Variants in NRG1 observed in about 807,000 individuals in gnomAD.
NRG1 encodes the protein pro-neuregulin-1, membrane-bound isoform.
In NRG1, 18 loss-of-function variants were observed where a neutral mutation model predicts 63.8. The observed-to-expected ratio is 0.28, with a 90% CI of 0.19 to 0.42. NRG1 has a LOEUF of 0.42. Among genes scored for constraint, NRG1 ranks in the 10% least tolerant of loss-of-function variants. The probability of loss-of-function intolerance (pLI) is 1.00; values close to 1 mark genes in which losing one functional copy is unlikely to be tolerated. For missense variants in NRG1, 762 were observed against 814.7 expected (o/e 0.94, Z 0.79); for synonymous variants, 302 against 301.3 (o/e 1.00, Z -0.02).
rs566998775 is a variant in NRG1 at position 32,395,120 on chromosome 8, G to A, written c.38-200708G>A. 2.9e-4 allele frequency among the ~76,000 whole-genome samples: 44 copies of A among 152,122 alleles called. 2 individuals are homozygous for A. Among genetic ancestry groups the A allele is most frequent in the African/African-American group, 1.0e-3 (42 of 41,512 alleles). ...TCTAAATAATGGTGACCTTTTTCAC[G>A]TCCCCTTCCTGTATATACAAAGTAC... On this transcript the variant is annotated intron_variant, in intron 1 of 10. Transcript: ENST00000519301.
intron 1 of NRG1, among the ~76,000 whole-genome samples, chr8:32,386,152 A>G (rs1810998706): frequency 6.6e-6 from 1 of 152,174 alleles, no homozygotes; most frequent in African/African-American, 2.4e-5. Context: ...CTCAGGCTGG[A>G]ATGCCGTGGT....
chr8:31,888,176 C>T (rs1830872078), intron 1 of NRG1, among the ~76,000 whole-genome samples: 2 of 151,566 alleles, frequency 1.3e-5, no homozygotes, highest in Non-Finnish European at 1.5e-5. Context: ...GCTTTTTGAC[C>T]TCAACAGCAT....
intron 1 of NRG1, among the ~76,000 whole-genome samples, chr8:32,416,510 T>C (rs999442714): frequency 7.2e-5 from 11 of 152,080 alleles, no homozygotes; most frequent in African/African-American, 2.7e-4. Flanking sequence ...TTCTCGAATA[T>C]AGGCTTTTAA....
intron 1 of NRG1, among the ~76,000 whole-genome samples, chr8:31,671,595 G>A (rs776891301): frequency 2.8e-4 from 42 of 152,132 alleles, no homozygotes; most frequent in Non-Finnish European, 5.4e-4. Context: ...ACAGAGGAGA[G>A]GCAAACACAA....
chr8:31,772,772 G>C (rs1563383814), intron 1 of NRG1, among the ~76,000 whole-genome samples: 1 of 152,192 alleles, frequency 6.6e-6, no homozygotes, highest in Non-Finnish European at 1.5e-5. Context: ...TAATGGCAAA[G>C]GGGGAACCTA....
intron 1 of NRG1, among the ~76,000 whole-genome samples, chr8:32,392,897 G>T (rs1417992396): frequency 2.5e-5 from 1 of 40,086 alleles, no homozygotes; most frequent in Non-Finnish European, 6.0e-5. Flanking sequence ...TGGAGGGGTA[G>T]AGAGAGAGAG....
chr8:32,557,094 C>T (rs544471343), intron 1 of NRG1, among the ~76,000 whole-genome samples: 2 of 152,134 alleles, frequency 1.3e-5, no homozygotes, highest in African/African-American at 2.4e-5. Flanking sequence ...CAAGCTCCCC[C>T]CACTGGGTTC....
chr8:32,380,274 T>A (rs1379612768), intron 1 of NRG1, among the ~76,000 whole-genome samples: 1 of 152,168 alleles, frequency 6.6e-6, no homozygotes, highest in Non-Finnish European at 1.5e-5. Flanking sequence ...CCTTTTCGGT[T>A]TTCCTCTTAC....
At chr8:32,448,721 G>A (rs1211892655) in intron 1 of NRG1, among the ~76,000 whole-genome samples, 1 of 152,102 alleles carries the variant, frequency 6.6e-6, no homozygotes, top group East Asian at 1.9e-4. Context: ...AGCTTTTATG[G>A]TAGAGGTTCC....
chr8:31,832,311 T>G (rs1476032678), intron 1 of NRG1, among the ~76,000 whole-genome samples: 1 of 148,578 alleles, frequency 6.7e-6, no homozygotes, highest in African/African-American at 2.5e-5. Flanking sequence ...CAGGCTGGAG[T>G]GCAGCAGCAT....
chr8:31,880,713 A>G (rs946871939), intron 1 of NRG1, among the ~76,000 whole-genome samples: 1 of 152,168 alleles, frequency 6.6e-6, no homozygotes, highest in African/African-American at 2.4e-5. Flanking sequence ...CTGGAACAAG[A>G]TCTCTTTAGT....
At chr8:32,607,459 CAT>C (rs1845463543) in intron 3 of NRG1, among the ~76,000 whole-genome samples, 1 of 152,012 alleles carries the variant, frequency 6.6e-6, no homozygotes, top group Non-Finnish European at 1.5e-5. Flanking sequence ...AAGCTAGTGT[CAT>C]AGTCTCACTG....
chr8:32,763,083 G>T, intron 11 of NRG1: 1 of 900,578 alleles, frequency 1.1e-6, no homozygotes. Flanking sequence ...GACTGTGTTT[G>T]TTGGACACTG....
intron 1 of NRG1, among the ~76,000 whole-genome samples, chr8:32,518,189 T>C (rs1421862600): frequency 1.3e-5 from 2 of 152,194 alleles, no homozygotes; most frequent in East Asian, 3.9e-4. Flanking sequence ...ATTTTGATCC[T>C]GAACATCCTT....
intron 1 of NRG1, among the ~76,000 whole-genome samples, chr8:32,267,841 C>T (rs1024417655): frequency 1.3e-5 from 2 of 152,148 alleles, no homozygotes; most frequent in African/African-American, 4.8e-5. Context: ...TGCATTTTCC[C>T]ATGGAATTTT....
At chr8:32,000,231 A>G (rs1812698087) in intron 1 of NRG1, among the ~76,000 whole-genome samples, 1 of 152,018 alleles carries the variant, frequency 6.6e-6, no homozygotes, top group Admixed American at 6.6e-5. Flanking sequence ...CAGAGCAAGC[A>G]TTTTAGGTTA....
At chr8:32,190,013 T>C (rs975319928) in intron 1 of NRG1, among the ~76,000 whole-genome samples, 4 of 152,174 alleles carry the variant, frequency 2.6e-5, no homozygotes, top group Admixed American at 6.6e-5. Flanking sequence ...TTCTTCTCTA[T>C]TCAAAACTGA....
At chr8:31,803,026 C>A (rs1821938090) in intron 1 of NRG1, among the ~76,000 whole-genome samples, 1 of 152,110 alleles carries the variant, frequency 6.6e-6, no homozygotes, top group Non-Finnish European at 1.5e-5. Context: ...TGGTATTGCT[C>A]ACATATCACC....
At position 32,742,154 on chromosome 8, in the gene NRG1, A is replaced by G; in HGVS notation, c.633-521A>G. On this transcript the variant is annotated intron_variant, in intron 6 of 11. Coordinates refer to ENST00000356819, the Ensembl canonical transcript of NRG1. This position sits in a 1 kb window ranked among gnomAD's most constrained non-coding sequence, Gnocchi z 4.2. ...CTACCACTTGGTGCTTTTACAGCTC[A>G]GTCGTAACTGATTCATTTTGTTCTA... 2 of 1,112,750 alleles carry G rather than the reference A, an allele frequency of 1.8e-6. No individual in the cohort carries two copies. The highest frequency in any genetic ancestry group is 2.7e-6 in the Non-Finnish European group (2 of 729,648). 68.9% of individuals were successfully genotyped at this position (1,112,750 alleles called of 1,614,324 possible).
Sources: allele counts gnomAD v4.1 joint callset (sites outside exome capture counted in the v4.1 genomes callset), GRCh38; gene constraint gnomAD v4.1.1; non-coding constraint Gnocchi (gnomAD v3.1); transcripts MANE v1.5; gene names NCBI Gene and HGNC (gene_info 2026-07-23, HGNC 2026-07-21).